ADA2: variants seen among roughly 807,000 people sequenced by gnomAD.
The protein encoded by ADA2 is adenosine deaminase 2, also known as adenosine deaminase CECR1.
In ADA2, 29 loss-of-function variants were observed where a neutral mutation model predicts 44.2. That is an observed-to-expected ratio of 0.66 (90% CI 0.49 to 0.89). The LOEUF (loss-of-function observed/expected upper bound fraction) is 0.89, where lower values mean the gene tolerates loss of function less well. Ranked by LOEUF, ADA2 falls within the 40% of genes least tolerant of loss-of-function variation. The pLI is 0.00. For missense variants in ADA2, 637 were observed against 644.8 expected (o/e 0.99, Z 0.13); for synonymous variants, 215 against 234.9 (o/e 0.92, Z 0.77).
intron 2 of ADA2, among the ~76,000 whole-genome samples, chr22:17,208,472 T>G (rs2062380149): frequency 6.6e-6 from 1 of 151,208 alleles, no homozygotes; most frequent in African/African-American, 2.4e-5. Flanking sequence ...TGTTAAGTCT[T>G]TGTAAACTGC....
At chr22:17,188,243 A>G in intron 7 of ADA2, 96 bp downstream of exon 7, 1 of 790,840 alleles carries the variant, frequency 1.3e-6, no homozygotes, top group Non-Finnish European at 2.1e-6. Flanking sequence ...GGGCTCTGGA[A>G]ACGCCTGTAG....
chr22:17,209,643 A>G lies in ADA2; in HGVS notation c.35T>C (p.Leu12Pro), dbSNP rs1372837798. 6.2e-7 allele frequency: 1 copy of G among 1,613,780 alleles called. No individual in the cohort carries two copies. The highest frequency in any genetic ancestry group is 8.5e-7 in the Non-Finnish European group (1 of 1,179,934). The part of the protein sequence containing the change: ...LVDGPSERPA[L>P]CFLLLAVAMS... ...TGCCACAGCCAACAGCAAGAAGCAC[A>G]GGGCTGGCCGCTCAGATGGGCCATC... The change falls in exon 2 of 10, where the codon CTG becomes CCG. Residue 12 changes from leucine (L) to proline (P), a missense_variant. Physicochemically the swap from Leu to Pro is moderately conservative, Grantham distance 98. Transcript: ENST00000399837.
chr22:17,184,975 C>T (rs1279029988), intron 7 of ADA2, among the ~76,000 whole-genome samples: 1 of 36,924 alleles, frequency 2.7e-5, no homozygotes, highest in Non-Finnish European at 6.0e-5. Context: ...ACAGAGTGCC[C>T]ATGTCAAAAT....
chr22:17,214,246 C>T (rs1265061006), intron 1 of ADA2: 2 of 394,610 alleles, frequency 5.1e-6, no homozygotes, highest in Non-Finnish European at 9.7e-6. Flanking sequence ...ATTCTAGAAA[C>T]ATGGCTTTAC....
Position 17,180,072 on chromosome 22 carries a change from A to C in ADA2, c.*1411T>G, listed in dbSNP as rs1478655453. The C allele has an allele frequency of 6.6e-6, 1 of 152,462 alleles. No individual in the cohort carries two copies. The highest frequency in any genetic ancestry group is 2.4e-5 in the African/African-American group (1 of 41,462). The allele number at this position is 152,462 out of a possible 1,614,324, so 9.4% of individuals were successfully genotyped here. A position where few individuals can be genotyped will look rare whatever the true frequency, so the allele number is the denominator to read the frequency against. The stretch of plus-strand genomic sequence containing the variant: ...CTTGAACCCGGGAGGTGGAGGTTGC[A>C]GTGAGCCGAGATCGCACCGCTGCAC... On this transcript the variant is annotated 3_prime_UTR_variant, in exon 10 of 10. Coordinates refer to ENST00000399837, the MANE Select transcript of ADA2 (RefSeq NM_001282225.2).
intron 2 of ADA2, 54 bp from the exon 3 acceptor site, chr22:17,207,344 CT>C (rs1255490660): frequency 7.4e-7 from 1 of 1,346,432 alleles, no homozygotes; most frequent in Non-Finnish European, 1.1e-6. Context: ...CATCCCAGGA[CT>C]CCAGGGCTTG....
intron 1 of ADA2, among the ~76,000 whole-genome samples, chr22:17,214,923 T>G (rs2062454676): frequency 6.6e-6 from 1 of 152,238 alleles, no homozygotes; most frequent in African/African-American, 2.4e-5. Context: ...CAGCCTCTTG[T>G]ATTTATTCAG....
chr22:17,203,998 C>G (rs574339742), intron 3 of ADA2, among the ~76,000 whole-genome samples: 1 of 152,032 alleles, frequency 6.6e-6, no homozygotes, highest in South Asian at 2.1e-4. Context: ...AAACCCCAAA[C>G]GCAGGAGACT....
chr22:17,190,119 C>T, intron 5 of ADA2, 87 bp from the exon 6 acceptor site: 1 of 1,097,106 alleles, frequency 9.1e-7, no homozygotes, highest in Non-Finnish European at 1.4e-6. Flanking sequence ...CAGGGCTGGG[C>T]CAGCCCCAAG....
At chr22:17,207,436 C>T (rs563306427) in intron 2 of ADA2, 146 bp from the exon 3 acceptor site, 11 of 573,842 alleles carry the variant, frequency 1.9e-5, no homozygotes, top group South Asian at 1.0e-4. Context: ...CCCAGGGCTC[C>T]GGGGCTTGGG....
At position 17,209,419 on chromosome 22, in the gene ADA2, A is replaced by G; in HGVS notation, c.259T>C (p.Phe87Leu). The G allele has an allele frequency of 6.2e-7, 1 of 1,614,128 alleles. No homozygotes were observed. The highest frequency in any genetic ancestry group is 8.5e-7 in the Non-Finnish European group (1 of 1,180,024). The part of the protein sequence containing the change: ...TLIFPPSMHF[F>L]QAKHLIERSQ... ...CTCTCAATGAGATGCTTGGCCTGGA[A>G]AAAGTGCATGCTGGGTGGGAATATC... Residue 87 changes from phenylalanine to leucine, a missense_variant, in exon 2 of 10, where the codon TTC becomes CTC. Phe to Leu is a conservative substitution (Grantham distance 22, BLOSUM62 0). Transcript: ENST00000399837.
chr22:17,184,983 A>ATATATATAT (rs559045610), intron 7 of ADA2, among the ~76,000 whole-genome samples: 2 of 78,718 alleles, frequency 2.5e-5, no homozygotes, highest in African/African-American at 1.1e-4. Flanking sequence ...CCCATGTCAA[A>ATATATATAT]ATATATATAT....
intron 1 of ADA2, among the ~76,000 whole-genome samples, chr22:17,218,812 A>C (rs907684524): frequency 2.0e-5 from 3 of 152,132 alleles, no homozygotes; most frequent in Admixed American, 2.0e-4. Flanking sequence ...TTTTCCTTTT[A>C]CTTTTAAAAG....
chr22:17,195,331 C>T (rs2062175976), intron 4 of ADA2, among the ~76,000 whole-genome samples: 1 of 152,114 alleles, frequency 6.6e-6, no homozygotes, highest in African/African-American at 2.4e-5. Flanking sequence ...GAGTTGGAGA[C>T]TATCCTGGCC....
At chr22:17,215,661 AGAAGACATAATGTTAAAT>A (rs1466546063) in intron 1 of ADA2, among the ~76,000 whole-genome samples, 2 of 152,156 alleles carry the variant, frequency 1.3e-5, no homozygotes, top group African/African-American at 4.8e-5. Flanking sequence ...GCACGGAACT[AGAAGACATAATGTTAAAT>A]GAAATAAGCC....
At position 17,203,706 on chromosome 22, in the gene ADA2, A is replaced by G. The variant is rs767991142; in HGVS notation, c.610T>C (p.Trp204Arg). 6.2e-7 allele frequency: 1 copy of G among 1,614,218 alleles called. No homozygotes were observed. The highest frequency in any genetic ancestry group is 1.1e-5 in the South Asian group (1 of 91,088). The change falls in exon 4 of 10, where the codon TGG becomes CGG. Residue 204 changes from tryptophan to arginine, a missense_variant. Coordinates refer to ENST00000399837, the MANE Select transcript of ADA2 (RefSeq NM_001282225.2). ...EVIYTNQNVVWSKFETIFFTI... is the reference protein window; with the variant it reads ...EVIYTNQNVVRSKFETIFFTI... ...AAGAAGATGGTTTCAAATTTCGACC[A>G]GACAACATTTTGGTTTGTGTAAATC...
At chr22:17,217,234 G>C (rs2062482035) in intron 1 of ADA2, among the ~76,000 whole-genome samples, 1 of 150,414 alleles carries the variant, frequency 6.6e-6, no homozygotes, top group South Asian at 2.1e-4. Context: ...ATTTCAGAAG[G>C]AAAAAGAAAA....
chr22:17,219,674 T>TG (rs953189236), upstream of ADA2: 9 of 136,942 alleles, frequency 6.6e-5, no homozygotes, highest in Non-Finnish European at 1.4e-4. Flanking sequence ...TGTTTTTTTT[T>TG]TTTTTTTTTT....
At chr22:17,220,666 C>A (rs1309886245), upstream of ADA2, among the ~76,000 whole-genome samples, 2 of 152,052 alleles carry the variant, frequency 1.3e-5, no homozygotes, top group Non-Finnish European at 2.9e-5. Flanking sequence ...TCGATTGCAC[C>A]CCACTCCTCC....
Sources: allele counts gnomAD v4.1 joint callset (sites outside exome capture counted in the v4.1 genomes callset), GRCh38; gene constraint gnomAD v4.1.1; transcripts MANE v1.5; gene names NCBI Gene and HGNC (gene_info 2026-07-23, HGNC 2026-07-21).